The following CDKN2B-AS1 variants were observed in gnomAD, a reference collection of about 807,000 sequenced individuals.
CDKN2B-AS1 encodes CDKN2B and CDKN2A antisense cis and trans regulatory RNA 1, also known as CDKN2B antisense RNA 1 (non-protein coding).
Position 22,005,870 on chromosome 9 carries a change from T to C in CDKN2B-AS1, n.29+10709T>C, listed in dbSNP as rs1041230196. 6.5e-6 allele frequency: 9 copies of C among 1,378,164 alleles called. No individual in the cohort carries two copies. The highest frequency in any genetic ancestry group is 2.4e-4 in the Middle Eastern group (1 of 4,088). 85.4% of individuals were successfully genotyped at this position (1,378,164 alleles called of 1,614,324 possible). A position where few individuals can be genotyped will look rare whatever the true frequency, so the allele number is the denominator to read the frequency against. ...CCTTCCTGTGAGTCTCAGACAGGCT[T>C]GCAGGCTTACAGGCTTTCCGCCGCT... On this transcript the variant is annotated intron_variant and non_coding_transcript_variant, in intron 1 of 4. Coordinates refer to ENST00000650946, the Ensembl canonical transcript of CDKN2B-AS1. This position sits in a 1 kb window ranked among gnomAD's most constrained non-coding sequence, Gnocchi z 4.9.
Position 22,034,510 on chromosome 9 carries a change from G to A in CDKN2B-AS1, n.30-12241G>A, listed in dbSNP as rs528302744. Reference sequence around the variant, plus strand: ...AATTCAAATTCTTGTATTCTGAAACGCAACTATTCTTTCTCCAACTTGGTT... The same window carrying A: ...AATTCAAATTCTTGTATTCTGAAACACAACTATTCTTTCTCCAACTTGGTT... On this transcript the variant is annotated intron_variant and non_coding_transcript_variant, in intron 1 of 4. Coordinates refer to ENST00000650946, the Ensembl canonical transcript of CDKN2B-AS1. Among the ~76,000 whole-genome samples the A allele has an allele frequency of 5.3e-5, 8 of 152,234 alleles. No homozygotes were observed. In the East Asian group the frequency reaches 5.8e-4, roughly 11 times the overall value.
intron 4 of CDKN2B-AS1, chr9:22,121,061 A>T (rs966718421): frequency 1.3e-5 from 2 of 152,154 alleles, no homozygotes; most frequent in Admixed American, 6.5e-5. Context: ...ATATACATAC[A>T]AATTTACAAA....
chr9:22,009,372 T>G, intron 1 of CDKN2B-AS1: 6 of 338,010 alleles, frequency 1.8e-5, no homozygotes, highest in Non-Finnish European at 2.8e-5. Flanking sequence ...CCCACCCCCT[T>G]AGGCTCCGCC....
intron 4 of CDKN2B-AS1, among the ~76,000 whole-genome samples, chr9:22,089,770 T>A (rs1055144184): frequency 3.9e-5 from 6 of 152,276 alleles, no homozygotes; most frequent in African/African-American, 1.4e-4. Flanking sequence ...TACTTTTTTT[T>A]TTAATTTGGT....
chr9:22,090,735 T>A (rs572365324), intron 4 of CDKN2B-AS1, among the ~76,000 whole-genome samples: 2 of 152,258 alleles, frequency 1.3e-5, no homozygotes, highest in African/African-American at 2.4e-5. Flanking sequence ...AGCCCTTTGT[T>A]GGATGAGTAG....
chr9:22,061,553 C>G (rs1241451537), intron 4 of CDKN2B-AS1, among the ~76,000 whole-genome samples: 2 of 152,124 alleles, frequency 1.3e-5, no homozygotes, highest in South Asian at 4.1e-4. Context: ...AAAATCAAGC[C>G]TGTTAGATAC....
exon 5 of CDKN2B-AS1, among the ~76,000 whole-genome samples, chr9:22,128,033 T>C (rs1204066394): frequency 6.6e-6 from 1 of 152,234 alleles, no homozygotes; most frequent in Non-Finnish European, 1.5e-5. Flanking sequence ...ATGATCATAC[T>C]AACTTATGAG....
At chr9:22,044,272 A>G (rs1823019135) in intron 1 of CDKN2B-AS1, among the ~76,000 whole-genome samples, 1 of 152,022 alleles carries the variant, frequency 6.6e-6, no homozygotes, top group Non-Finnish European at 1.5e-5. Flanking sequence ...TTATTATGGG[A>G]CAAATTAGTT....
At chr9:22,082,376 A>G (rs1547705) in intron 4 of CDKN2B-AS1, among the ~76,000 whole-genome samples, 1 of 152,114 alleles carries the variant, frequency 6.6e-6, no homozygotes, top group Non-Finnish European at 1.5e-5. Context: ...ATTCACATCA[A>G]TCTCATCAGA....
At chr9:22,095,598 T>G (rs545297646) in intron 4 of CDKN2B-AS1, among the ~76,000 whole-genome samples, 4 of 151,080 alleles carry the variant, frequency 2.6e-5, no homozygotes, top group African/African-American at 9.9e-5. Context: ...TAGATGTCTA[T>G]TAGGTCCGCT....
chr9:22,076,090 G>A (rs1438209491), intron 4 of CDKN2B-AS1, among the ~76,000 whole-genome samples: 3 of 152,070 alleles, frequency 2.0e-5, no homozygotes, highest in Non-Finnish European at 4.4e-5. Flanking sequence ...TCTTGCTCTT[G>A]TCATCCAGGC....
chr9:22,027,631 C>G (rs1822295746), intron 1 of CDKN2B-AS1, among the ~76,000 whole-genome samples: 2 of 152,102 alleles, frequency 1.3e-5, no homozygotes, highest in South Asian at 4.1e-4. Flanking sequence ...GTTGATTTAT[C>G]CAATTTATCA....
intron 4 of CDKN2B-AS1, among the ~76,000 whole-genome samples, chr9:22,085,502 C>T (rs1236159644): frequency 6.6e-6 from 1 of 152,074 alleles, no homozygotes; most frequent in African/African-American, 2.4e-5. Context: ...GGGCGGATCA[C>T]GAGGTCAGGA....
At chr9:22,011,580 T>A (rs911347660) in intron 1 of CDKN2B-AS1, among the ~76,000 whole-genome samples, 4 of 152,218 alleles carry the variant, frequency 2.6e-5, no homozygotes, top group Admixed American at 6.5e-5. Flanking sequence ...GTGTTTTTTT[T>A]AGCAGCTGTC....
intron 4 of CDKN2B-AS1, among the ~76,000 whole-genome samples, chr9:22,107,610 G>A (rs543861514): frequency 6.6e-6 from 1 of 152,270 alleles, no homozygotes; most frequent in Admixed American, 6.5e-5. Flanking sequence ...TTCCACATCA[G>A]GGGCCTTGGA....
At chr9:22,078,915 TGAG>T (rs1429643804) in intron 4 of CDKN2B-AS1, among the ~76,000 whole-genome samples, 2 of 152,100 alleles carry the variant, frequency 1.3e-5, no homozygotes, top group African/African-American at 4.8e-5. Context: ...TCTGGTAAAA[TGAG>T]GAGCATTACT....
chr9:22,085,269 C>G (rs1824828770), intron 4 of CDKN2B-AS1, among the ~76,000 whole-genome samples: 1 of 152,154 alleles, frequency 6.6e-6, no homozygotes, highest in Admixed American at 6.5e-5. Context: ...TAAAGGAAAT[C>G]TCACCTAACT....
chr9:22,066,828 A>T (rs556831148), intron 4 of CDKN2B-AS1, among the ~76,000 whole-genome samples: 1 of 152,092 alleles, frequency 6.6e-6, no homozygotes, highest in African/African-American at 2.4e-5. Flanking sequence ...ATGTCCATCA[A>T]TGATAGACTG....
At chr9:22,073,887 A>G (rs1187913871) in intron 4 of CDKN2B-AS1, among the ~76,000 whole-genome samples, 2 of 150,592 alleles carry the variant, frequency 1.3e-5, no homozygotes, top group African/African-American at 4.9e-5. Context: ...TTTTTGAGAC[A>G]GGATCTTGCT....
Sources: allele counts gnomAD v4.1 joint callset (sites outside exome capture counted in the v4.1 genomes callset), GRCh38; gene constraint gnomAD v4.1.1; non-coding constraint Gnocchi (gnomAD v3.1); transcripts MANE v1.5; gene names NCBI Gene and HGNC (gene_info 2026-07-23, HGNC 2026-07-21).